Variants in LGSN observed in about 807,000 individuals in gnomAD.
LGSN encodes lengsin, lens protein with glutamine synthetase domain, also known as lengsin.
A neutral mutation model predicts 19.5 loss-of-function variants in LGSN; 21 were observed. The ratio of observed to expected loss-of-function variants is 1.07; its 90% confidence interval spans 0.76 to 1.55. The LOEUF is 1.55. LGSN is among the 40% of genes most tolerant of loss of function. LGSN has a pLI of 0.00. For synonymous variants in LGSN, 257 were observed against 215.6 expected (o/e 1.19, Z -1.68); for missense variants, 673 against 608.5 (o/e 1.11, Z -1.12).
chr6:63,487,397 C>T, the LGSN span, among the ~76,000 whole-genome samples: 2 of 152,308 alleles, frequency 1.3e-5, no homozygotes, highest in African/African-American at 2.4e-5. Context: ...GTAAGTCAAT[C>T]GGCTCCCTGC....
chr6:63,385,415 A>T, the LGSN span, among the ~76,000 whole-genome samples: 10 of 152,200 alleles, frequency 6.6e-5, no homozygotes, highest in Non-Finnish European at 8.8e-5. Context: ...TCTTATATGA[A>T]AATAAGTTTC....
At chr6:63,483,459 G>A in the LGSN span, among the ~76,000 whole-genome samples, 2 of 151,554 alleles carry the variant, frequency 1.3e-5, no homozygotes, top group Non-Finnish European at 2.9e-5. Context: ...TCTGCTGCCC[G>A]GGTTCAAGCA....
chr6:63,518,154 C>CAAAAA, the LGSN span, among the ~76,000 whole-genome samples: 1 of 62,106 alleles, frequency 1.6e-5, no homozygotes, highest in East Asian at 4.8e-4. Context: ...ACTCCGTCTC[C>CAAAAA]AAAAAAAAAA....
the LGSN span, among the ~76,000 whole-genome samples, chr6:63,489,242 A>G: frequency 6.6e-6 from 1 of 152,258 alleles, no homozygotes; most frequent in Non-Finnish European, 1.5e-5. Flanking sequence ...TCCAATAAAT[A>G]CACAATGCTA....
chr6:63,412,729 A>AGG, the LGSN span, among the ~76,000 whole-genome samples: 12 of 44,368 alleles, frequency 2.7e-4, no homozygotes, highest in African/African-American at 1.6e-3. Flanking sequence ...GAAAGAAAGA[A>AGG]AGAAAGAAAG....
chr6:63,490,443 T>C, the LGSN span, among the ~76,000 whole-genome samples: 1 of 152,208 alleles, frequency 6.6e-6, no homozygotes, highest in Non-Finnish European at 1.5e-5. Context: ...TTCCTCCAGA[T>C]ATTGAGCCTA....
At chr6:63,526,803 GTATATATATATATATATATATA>G in the LGSN span, among the ~76,000 whole-genome samples, 17 of 101,442 alleles carry the variant, frequency 1.7e-4, 1 homozygote, top group African/African-American at 7.4e-4. Flanking sequence ...TCTCAAAAAT[GTATATATATATATATATATATA>G]TATATATATA....
chr6:63,523,078 C>A, the LGSN span, among the ~76,000 whole-genome samples: 1 of 151,786 alleles, frequency 6.6e-6, no homozygotes, highest in Non-Finnish European at 1.5e-5. Flanking sequence ...TTTGGCCAGG[C>A]TGGTCTCAAA....
At chr6:63,350,466 G>C in the LGSN span, among the ~76,000 whole-genome samples, 1 of 152,212 alleles carries the variant, frequency 6.6e-6, no homozygotes, top group Non-Finnish European at 1.5e-5. Flanking sequence ...TAACCTGGTT[G>C]TGAAGATTTA....
the LGSN span, among the ~76,000 whole-genome samples, chr6:63,553,935 G>A: frequency 6.6e-6 from 1 of 152,096 alleles, no homozygotes; most frequent in Non-Finnish European, 1.5e-5. Context: ...AAATAGCAGG[G>A]CATCAAAGTT....
chr6:63,483,708 T>C, the LGSN span, among the ~76,000 whole-genome samples: 2 of 152,188 alleles, frequency 1.3e-5, no homozygotes, highest in Non-Finnish European at 2.9e-5. Flanking sequence ...TTTATTCTAA[T>C]GGCTTTCCCA....
At chr6:63,525,382 G>A in the LGSN span, among the ~76,000 whole-genome samples, 1 of 152,182 alleles carries the variant, frequency 6.6e-6, no homozygotes, top group East Asian at 1.9e-4. Flanking sequence ...GAACAGACGG[G>A]AGGAAGGAGG....
the LGSN span, among the ~76,000 whole-genome samples, chr6:63,465,461 C>A: frequency 6.6e-6 from 1 of 151,640 alleles, no homozygotes; most frequent in Admixed American, 6.6e-5. Context: ...GGATTACAGG[C>A]ATGAGCCACC....
At chr6:63,387,162 T>C in the LGSN span, among the ~76,000 whole-genome samples, 1 of 152,198 alleles carries the variant, frequency 6.6e-6, no homozygotes, top group Admixed American at 6.5e-5. Flanking sequence ...GTGCAAAGAC[T>C]TTAAATTCAG....
At chr6:63,469,554 A>G in the LGSN span, among the ~76,000 whole-genome samples, 1 of 152,226 alleles carries the variant, frequency 6.6e-6, no homozygotes, top group Non-Finnish European at 1.5e-5. Flanking sequence ...TGACTTAATT[A>G]TAGTGATAAA....
chr6:63,525,560 A>T, the LGSN span, among the ~76,000 whole-genome samples: 1 of 152,166 alleles, frequency 6.6e-6, no homozygotes, highest in African/African-American at 2.4e-5. Flanking sequence ...ATCTTCTGAA[A>T]TCTGGGTTCC....
chr6:63,358,319 C>CT, the LGSN span, among the ~76,000 whole-genome samples: 1 of 152,174 alleles, frequency 6.6e-6, no homozygotes, highest in African/African-American at 2.4e-5. Context: ...AATGTGGGCT[C>CT]TTTTTTGGTT....
the LGSN span, among the ~76,000 whole-genome samples, chr6:63,393,399 G>A: frequency 6.6e-6 from 1 of 150,398 alleles, no homozygotes; most frequent in Non-Finnish European, 1.5e-5. Flanking sequence ...GGCTGGTCTC[G>A]AACTCCTGAC....
chr6:63,406,800 A>T, the LGSN span, among the ~76,000 whole-genome samples: 1 of 150,608 alleles, frequency 6.6e-6, no homozygotes, highest in East Asian at 1.9e-4. Context: ...TAAAGAAGAA[A>T]AGAGAGAAGA....
Sources: allele counts gnomAD v4.1 joint callset (sites outside exome capture counted in the v4.1 genomes callset), GRCh38; gene constraint gnomAD v4.1.1; transcripts MANE v1.5; gene names NCBI Gene and HGNC (gene_info 2026-07-23, HGNC 2026-07-21).